The following JAZF1 variants were observed in gnomAD, a reference collection of about 807,000 sequenced individuals.
JAZF1 encodes the protein juxtaposed with another zinc finger protein 1.
A neutral mutation model predicts 26.4 loss-of-function variants in JAZF1; 8 were observed. The ratio of observed to expected loss-of-function variants is 0.30; its 90% CI spans 0.18 to 0.55. JAZF1 has a LOEUF of 0.55. Among genes scored for constraint, JAZF1 ranks in the 20% least tolerant of loss-of-function variants. The pLI is 0.94. For missense variants in JAZF1, 199 were observed against 322.0 expected, an observed-to-expected ratio of 0.62 and a Z score of 2.92; for synonymous variants, 126 against 122.3, an observed-to-expected ratio of 1.03 and a Z score of -0.20.
At chr7:27,968,316 A>G (rs1234551992) in intron 2 of JAZF1, among the ~76,000 whole-genome samples, 1 of 152,180 alleles carries the variant, frequency 6.6e-6, no homozygotes, top group Non-Finnish European at 1.5e-5. Context: ...TTATTAACAG[A>G]TGGGAGAGGT....
At chr7:27,964,619 T>C (rs889974798) in intron 2 of JAZF1, among the ~76,000 whole-genome samples, 3 of 150,540 alleles carry the variant, frequency 2.0e-5, no homozygotes, top group African/African-American at 7.4e-5. Flanking sequence ...CTTTTTACTA[T>C]TTCCCTAATA....
At chr7:27,931,916 AAAAT>A (rs1292768022) in intron 2 of JAZF1, among the ~76,000 whole-genome samples, 2 of 152,180 alleles carry the variant, frequency 1.3e-5, no homozygotes, top group Non-Finnish European at 2.9e-5. Flanking sequence ...CTGTCTCGAA[AAAAT>A]AAATAAATAA....
intron 1 of JAZF1, among the ~76,000 whole-genome samples, chr7:28,175,923 T>C (rs2127955898): frequency 6.6e-6 from 1 of 152,352 alleles, no homozygotes; most frequent in Admixed American, 6.5e-5. Flanking sequence ...TGATGCTCCT[T>C]TGAGAAGATA....
chr7:27,836,059 T>G (rs1475063500), intron 4 of JAZF1, among the ~76,000 whole-genome samples: 1 of 152,168 alleles, frequency 6.6e-6, no homozygotes, highest in Non-Finnish European at 1.5e-5. Context: ...GGCTGGTAAA[T>G]TACAGAACTG....
chr7:27,987,071 C>T (rs148400333), intron 2 of JAZF1, among the ~76,000 whole-genome samples: 35,118 of 151,692 alleles, frequency 0.23, 4,436 homozygotes, highest in East Asian at 0.48. Flanking sequence ...TCTGCCCGGC[C>T]GCCACCCCAT....
intron 1 of JAZF1, among the ~76,000 whole-genome samples, chr7:28,023,703 T>C (rs1171288220): frequency 6.6e-6 from 1 of 152,198 alleles, no homozygotes; most frequent in Non-Finnish European, 1.5e-5. Flanking sequence ...GGCTAGGCGC[T>C]AAGGCAAAGT....
chr7:28,171,060 T>C (rs1307306988), intron 1 of JAZF1, among the ~76,000 whole-genome samples: 1 of 152,228 alleles, frequency 6.6e-6, no homozygotes, highest in East Asian at 1.9e-4. Context: ...CTGTAAGAGC[T>C]GCCCAAGTTT....
At position 28,127,481 on chromosome 7, in the gene JAZF1, G is replaced by C. The variant is rs112734183; in HGVS notation, c.115+52982C>G. On this transcript the variant is annotated intron_variant, in intron 1 of 4. Transcript: ENST00000283928. ...ACTGGAAAACACAAACCTTCACCAG[G>C]CTTGCCTTAATTCATGTTAACCCTT... Among the ~76,000 whole-genome samples, 606 of 152,182 alleles carry C rather than the reference G, an allele frequency of 4.0e-3. 7 individuals are homozygous for C. Among genetic ancestry groups the C allele is most frequent in the African/African-American group, 0.014 (565 of 41,514 alleles).
intron 1 of JAZF1, among the ~76,000 whole-genome samples, chr7:28,100,459 T>C (rs1209414401): frequency 6.6e-6 from 1 of 152,064 alleles, no homozygotes; most frequent in Non-Finnish European, 1.5e-5. Context: ...ATAATCCCTA[T>C]TAAATGAGGA....
At chr7:27,884,275 C>A (rs1473827653) in intron 3 of JAZF1, among the ~76,000 whole-genome samples, 2 of 152,186 alleles carry the variant, frequency 1.3e-5, no homozygotes, top group Non-Finnish European at 2.9e-5. Context: ...GGACTACAGG[C>A]ATGTGCCACC....
intron 2 of JAZF1, among the ~76,000 whole-genome samples, chr7:27,915,034 G>C (rs1018704345): frequency 3.9e-5 from 6 of 152,258 alleles, no homozygotes; most frequent in African/African-American, 1.4e-4. Context: ...AGCCATTTTA[G>C]CTACAAATTA....
At chr7:28,011,173 C>A (rs1246941526) in intron 1 of JAZF1, among the ~76,000 whole-genome samples, 1 of 152,006 alleles carries the variant, frequency 6.6e-6, no homozygotes, top group Non-Finnish European at 1.5e-5. Flanking sequence ...AGACAAGAGA[C>A]CTGCAGCGTT....
chr7:28,091,952 G>A (rs965575123), intron 1 of JAZF1, among the ~76,000 whole-genome samples: 28 of 152,078 alleles, frequency 1.8e-4, no homozygotes, highest in Non-Finnish European at 7.4e-5. Context: ...GTCCAAGTAT[G>A]TTACCGTAGC....
At chr7:28,047,790 T>C (rs1783522236) in intron 1 of JAZF1, among the ~76,000 whole-genome samples, 1 of 152,206 alleles carries the variant, frequency 6.6e-6, no homozygotes, top group African/African-American at 2.4e-5. Context: ...GGACTATCCT[T>C]GCTTTCCCAG....
intron 2 of JAZF1, among the ~76,000 whole-genome samples, chr7:27,943,607 C>T (rs1053674596): frequency 7.2e-5 from 11 of 152,158 alleles, no homozygotes; most frequent in Admixed American, 6.5e-4. Flanking sequence ...GTTAGTGCCA[C>T]GAGGGTGTAA....
chr7:27,939,146 C>A (rs977115349), intron 2 of JAZF1, among the ~76,000 whole-genome samples: 1 of 152,184 alleles, frequency 6.6e-6, no homozygotes, highest in Non-Finnish European at 1.5e-5. Flanking sequence ...ACAGAGCAAA[C>A]CTTCCTGCTT....
At chr7:28,052,709 A>C (rs560274995) in intron 1 of JAZF1, among the ~76,000 whole-genome samples, 438 of 152,332 alleles carry the variant, frequency 2.9e-3, no homozygotes, top group Non-Finnish European at 4.9e-3. Flanking sequence ...AGGATGTAAA[A>C]ATAAAACTTG....
At chr7:27,889,337 T>C (rs555730686) in intron 3 of JAZF1, among the ~76,000 whole-genome samples, 1 of 152,264 alleles carries the variant, frequency 6.6e-6, no homozygotes, top group Non-Finnish European at 1.5e-5. Context: ...AACTAAGCTG[T>C]AGGCAATAAT....
intron 2 of JAZF1, among the ~76,000 whole-genome samples, chr7:27,923,466 T>G (rs1459765051): frequency 6.6e-6 from 1 of 152,210 alleles, no homozygotes; most frequent in Non-Finnish European, 1.5e-5. Flanking sequence ...CAGACATTAT[T>G]CTATCAGGCC....
Sources: allele counts gnomAD v4.1 joint callset (sites outside exome capture counted in the v4.1 genomes callset), GRCh38; gene constraint gnomAD v4.1.1; transcripts MANE v1.5; gene names NCBI Gene and HGNC (gene_info 2026-07-23, HGNC 2026-07-21).